The following AGTPBP1 variants were observed in gnomAD, a reference collection of about 807,000 sequenced individuals.
AGTPBP1 encodes ATP/GTP binding carboxypeptidase 1, also known as cytosolic carboxypeptidase 1.
Under a neutral mutation model 143.9 loss-of-function variants are expected in AGTPBP1, and 70 were observed. That is an observed-to-expected ratio of 0.49 (90% CI 0.40 to 0.59). The LOEUF is 0.59. Among genes scored for constraint, AGTPBP1 ranks in the 20% least tolerant of loss-of-function variants. The pLI, the probability that AGTPBP1 is intolerant of heterozygous loss-of-function variation, is 0.00. For missense variants in AGTPBP1, 1,229 were observed against 1,464.5 expected (o/e 0.84, Z 2.62); for synonymous variants, 463 against 500.2 (o/e 0.93, Z 0.99).
At chr9:85,766,422 G>T in the AGTPBP1 span, among the ~76,000 whole-genome samples, 1 of 152,180 alleles carries the variant, frequency 6.6e-6, no homozygotes, top group Non-Finnish European at 1.5e-5. Context: ...GAACATCTTT[G>T]AATAAGGCAC....
chr9:85,704,388 A>G (rs75270370), intron 2 of AGTPBP1, among the ~76,000 whole-genome samples: 2,136 of 152,286 alleles, frequency 0.014, 55 homozygotes, highest in African/African-American at 0.048. Flanking sequence ...AGGAAAAAAA[A>G]TCATCAGAAA....
At chr9:85,804,886 C>G in the AGTPBP1 span, among the ~76,000 whole-genome samples, 1 of 152,176 alleles carries the variant, frequency 6.6e-6, no homozygotes, top group African/African-American at 2.4e-5. Context: ...GGAGGTCGAA[C>G]CCCAAGTTGC....
the AGTPBP1 span, among the ~76,000 whole-genome samples, chr9:85,782,343 C>T: frequency 2.6e-5 from 4 of 152,168 alleles, no homozygotes; most frequent in East Asian, 1.9e-4. Flanking sequence ...GGTGAAACCC[C>T]GTCTCTATTA....
chr9:85,578,838 T>G lies in AGTPBP1; in HGVS notation c.3342+82A>C, dbSNP rs1828056900. ...ACTCAATAAAACAAACATCATTTAATATATACTTAAAAACCACAAGATATA... is the reference window on the plus strand; with the variant it reads ...ACTCAATAAAACAAACATCATTTAAGATATACTTAAAAACCACAAGATATA... On this transcript the variant is annotated intron_variant, in intron 24 of 25. Coordinates refer to ENST00000357081, the MANE Select transcript of AGTPBP1 (RefSeq NM_001330701.2). 4.4e-6 allele frequency: 6 copies of G among 1,356,536 alleles called. No individual in the cohort carries two copies. The South Asian group carries it at 6.6e-5, about 15-fold the overall frequency. The allele number at this position is 1,356,536 out of a possible 1,614,324, so 84.0% of individuals were successfully genotyped here.
intron 25 of AGTPBP1, among the ~76,000 whole-genome samples, chr9:85,553,497 G>A (rs1488218234): frequency 6.6e-6 from 1 of 152,190 alleles, no homozygotes; most frequent in Non-Finnish European, 1.5e-5. Context: ...TATGATGTTT[G>A]GTAGTTAGGT....
intron 17 of AGTPBP1, among the ~76,000 whole-genome samples, chr9:85,600,742 G>A (rs1277978168): frequency 2.6e-5 from 4 of 152,086 alleles, no homozygotes; most frequent in East Asian, 1.9e-4. Flanking sequence ...GAACTCACAC[G>A]GGGTGTGACC....
chr9:85,650,547 A>C (rs1209267729), intron 11 of AGTPBP1, among the ~76,000 whole-genome samples: 1 of 152,208 alleles, frequency 6.6e-6, no homozygotes, highest in Non-Finnish European at 1.5e-5. Flanking sequence ...TGTTATCAGT[A>C]AGGTTTCTGG....
chr9:85,745,032 A>G (rs1824564862), upstream of AGTPBP1, among the ~76,000 whole-genome samples: 1 of 152,244 alleles, frequency 6.6e-6, no homozygotes, highest in Non-Finnish European at 1.5e-5. Context: ...GAATTCATTT[A>G]ACTTGGATTC....
chr9:85,659,726 C>T (rs1361633314), intron 9 of AGTPBP1, among the ~76,000 whole-genome samples: 1 of 152,088 alleles, frequency 6.6e-6, no homozygotes, highest in Non-Finnish European at 1.5e-5. Flanking sequence ...AATTAGTAAG[C>T]TTTAATAAAA....
chr9:85,673,536 A>T (rs1379339195), intron 6 of AGTPBP1, among the ~76,000 whole-genome samples: 1 of 152,224 alleles, frequency 6.6e-6, no homozygotes, highest in Non-Finnish European at 1.5e-5. Flanking sequence ...TAACACAGGA[A>T]GGGAAGAAAA....
At chr9:85,805,226 G>C in the AGTPBP1 span, 1 of 152,400 alleles carries the variant, frequency 6.6e-6, no homozygotes, top group Admixed American at 6.5e-5. Flanking sequence ...GCTACCAACC[G>C]GGAAAATAAA....
chr9:85,597,371 T>A (rs986217731), intron 17 of AGTPBP1, among the ~76,000 whole-genome samples: 2 of 152,098 alleles, frequency 1.3e-5, no homozygotes, highest in African/African-American at 4.8e-5. Flanking sequence ...AGTATTTATA[T>A]CATTTATTTC....
chr9:85,612,980 C>CA (rs1162479604), intron 17 of AGTPBP1, among the ~76,000 whole-genome samples: 2 of 151,704 alleles, frequency 1.3e-5, no homozygotes, highest in Non-Finnish European at 2.9e-5. Context: ...CAAAACTGAC[C>CA]AGATATTAAG....
At chr9:85,573,946 G>A (rs952916662) in intron 25 of AGTPBP1, among the ~76,000 whole-genome samples, 18 of 151,954 alleles carry the variant, frequency 1.2e-4, no homozygotes, top group African/African-American at 3.6e-4. Context: ...CCCTCTGCCC[G>A]GCCACCACCC....
intron 2 of AGTPBP1, among the ~76,000 whole-genome samples, chr9:85,695,821 A>G (rs982819771): frequency 1.3e-5 from 2 of 152,004 alleles, no homozygotes; most frequent in Non-Finnish European, 2.9e-5. Context: ...ATATTTTGCC[A>G]GACATTTTCT....
the AGTPBP1 span, chr9:85,792,187 T>C: frequency 3.3e-5 from 5 of 152,224 alleles, no homozygotes; most frequent in Non-Finnish European, 7.3e-5. Context: ...TTGCCTGCCT[T>C]GAGGGGCTGG....
At chr9:85,720,133 G>A (rs1185851511) in intron 1 of AGTPBP1, among the ~76,000 whole-genome samples, 3 of 152,134 alleles carry the variant, frequency 2.0e-5, no homozygotes, top group Admixed American at 1.3e-4. Flanking sequence ...TTTTATTGTT[G>A]TGTCTCTGCC....
chr9:85,784,870 T>G, the AGTPBP1 span, among the ~76,000 whole-genome samples: 6 of 152,330 alleles, frequency 3.9e-5, no homozygotes, highest in South Asian at 1.2e-3. Flanking sequence ...AACTGTTAAC[T>G]CTTATAGTTT....
chr9:85,650,777 C>G (rs1833116324), intron 11 of AGTPBP1, among the ~76,000 whole-genome samples: 1 of 152,214 alleles, frequency 6.6e-6, no homozygotes, highest in South Asian at 2.1e-4. Context: ...ACCACCAACA[C>G]TGTTTCTACC....
Sources: gnomAD v4.1 joint callset for allele counts (sites outside exome capture counted in the v4.1 genomes callset) on GRCh38, gnomAD v4.1.1 for gene constraint, MANE v1.5 for transcripts, NCBI Gene and HGNC (gene_info 2026-07-23, HGNC 2026-07-21) for gene names.